Variants in FAM135B observed in about 807,000 individuals in gnomAD.
FAM135B encodes family with sequence similarity 135 member B.
In FAM135B, 43 loss-of-function variants were observed where a neutral mutation model predicts 127.7. That is an observed-to-expected ratio of 0.34 (90% CI 0.26 to 0.43). The LOEUF is 0.43. Among genes scored for constraint, FAM135B ranks in the 20% least tolerant of loss-of-function variants. The pLI, the probability that FAM135B is intolerant of heterozygous loss-of-function variation, is 1.00. For synonymous variants in FAM135B, 670 were observed against 665.1 expected, an observed-to-expected ratio of 1.01 and a Z score of -0.11; for missense variants, 1,558 against 1,725.6, an observed-to-expected ratio of 0.90 and a Z score of 1.72.
intron 1 of FAM135B, among the ~76,000 whole-genome samples, chr8:138,455,522 C>G (rs1197519877): frequency 6.6e-6 from 1 of 152,118 alleles, no homozygotes; most frequent in East Asian, 1.9e-4. Context: ...CATGTATTAC[C>G]TAATCTGATC....
intron 12 of FAM135B, among the ~76,000 whole-genome samples, chr8:138,166,126 A>G (rs1272855818): frequency 5.3e-5 from 8 of 152,202 alleles, no homozygotes; most frequent in South Asian, 2.1e-4. Flanking sequence ...TCTTTAATAC[A>G]TGCTTATACT....
intron 1 of FAM135B, among the ~76,000 whole-genome samples, chr8:138,382,131 C>G (rs1183483010): frequency 1.3e-5 from 2 of 152,118 alleles, no homozygotes; most frequent in African/African-American, 4.8e-5. Flanking sequence ...CCCACATTGA[C>G]CACCCACAAG....
intron 11 of FAM135B, among the ~76,000 whole-genome samples, chr8:138,169,732 C>G (rs539817056): frequency 6.6e-6 from 1 of 152,046 alleles, no homozygotes; most frequent in Non-Finnish European, 1.5e-5. Context: ...TGTGCACAGG[C>G]TGGGAAGTAC....
At position 138,132,661 on chromosome 8, in the gene FAM135B, C is replaced by T. The variant is rs572655031; in HGVS notation, c.4153G>A (p.Ala1385Thr). Residue 1385 changes from alanine to threonine, a missense_variant, in exon 20 of 20, where the codon GCT becomes ACT. Ala to Thr is a moderately conservative substitution (Grantham distance 58). This residue lies in a region of FAM135B where 194 missense variants were observed against 333.8 expected (regional missense o/e 0.58). Transcript: ENST00000395297. This position sits in a 1 kb window ranked among gnomAD's most constrained non-coding sequence, Gnocchi z 4.5. ...NTLIGRAAHI[A>T]VLDSELFLEK... ...AGGAAGAGTTCTGAATCCAGCACAG[C>T]GATGTGAGCGGCTCGGCCGATCAGG... 3.9e-5 allele frequency: 63 copies of T among 1,614,122 alleles called. No individual in the cohort carries two copies. The highest frequency in any genetic ancestry group is 6.7e-5 in the African/African-American group (5 of 75,020).
rs565387882 is a variant in FAM135B at position 138,354,505 on chromosome 8, C to G, written c.77+13402G>C. On this transcript the variant is annotated intron_variant, in intron 2 of 19. Transcript: ENST00000395297. ...CCCATCCTGATACCTCCTGGGTGGG[C>G]GTTTTGGGAGTTCTCTGTCCTCCAT... Among the ~76,000 whole-genome samples the G allele has an allele frequency of 1.2e-4, 18 of 152,206 alleles. No individual in the cohort carries two copies. In the South Asian group the frequency reaches 3.7e-3, roughly 32 times the overall value.
chr8:138,226,512 A>C (rs1482834518), intron 7 of FAM135B, among the ~76,000 whole-genome samples: 1 of 152,122 alleles, frequency 6.6e-6, no homozygotes, highest in Non-Finnish European at 1.5e-5. Flanking sequence ...GCATGTGCAA[A>C]GGCCCTGTGG....
intron 2 of FAM135B, among the ~76,000 whole-genome samples, chr8:138,361,217 C>T (rs1830400823): frequency 1.3e-5 from 2 of 152,092 alleles, no homozygotes; most frequent in East Asian, 3.9e-4. Flanking sequence ...TGAGCCACCT[C>T]GCCCAGCCAA....
chr8:138,321,003 C>G (rs975371111), intron 2 of FAM135B, among the ~76,000 whole-genome samples: 2 of 152,162 alleles, frequency 1.3e-5, no homozygotes, highest in African/African-American at 4.8e-5. Flanking sequence ...GGACATCTGA[C>G]ATGACCTAAA....
chr8:138,287,154 A>G (rs1271978321), intron 3 of FAM135B, among the ~76,000 whole-genome samples: 3 of 152,208 alleles, frequency 2.0e-5, no homozygotes, highest in Admixed American at 6.5e-5. Context: ...TGATATACCC[A>G]AAAATTGTCA....
chr8:138,432,568 G>A (rs1835253753), intron 1 of FAM135B, among the ~76,000 whole-genome samples: 1 of 151,768 alleles, frequency 6.6e-6, no homozygotes, highest in Non-Finnish European at 1.5e-5. Flanking sequence ...GAGTTATACA[G>A]GTTATTTTGC....
chr8:138,257,654 C>T (rs981814074), intron 4 of FAM135B, among the ~76,000 whole-genome samples: 2 of 152,056 alleles, frequency 1.3e-5, no homozygotes, highest in African/African-American at 2.4e-5. Flanking sequence ...CCCTTTTCAT[C>T]CGTAACCACA....
At chr8:138,291,465 A>G (rs1480949993) in intron 3 of FAM135B, among the ~76,000 whole-genome samples, 3 of 152,174 alleles carry the variant, frequency 2.0e-5, no homozygotes, top group Non-Finnish European at 4.4e-5. Context: ...TTACCTTGAT[A>G]CCAAAACAAG....
intron 7 of FAM135B, among the ~76,000 whole-genome samples, chr8:138,203,484 G>A (rs143518810): frequency 9.4e-4 from 143 of 152,228 alleles, no homozygotes; most frequent in African/African-American, 2.7e-3. Flanking sequence ...TATTGCTTAC[G>A]TGAATTATTA....
chr8:138,486,852 T>C (rs1435850975), intron 1 of FAM135B, among the ~76,000 whole-genome samples: 2 of 152,196 alleles, frequency 1.3e-5, no homozygotes, highest in Non-Finnish European at 2.9e-5. Context: ...CACGAAGACC[T>C]AGTAACTGCC....
At chr8:138,159,297 A>C (rs1819116428) in intron 12 of FAM135B, among the ~76,000 whole-genome samples, 1 of 139,970 alleles carries the variant, frequency 7.1e-6, no homozygotes, top group East Asian at 2.1e-4. Context: ...AAAAAGACAC[A>C]TGCACACATA....
intron 14 of FAM135B, 148 bp from the exon 15 acceptor site, chr8:138,146,198 C>T (rs1212479949): frequency 1.7e-6 from 1 of 578,720 alleles, no homozygotes; most frequent in Non-Finnish European, 3.1e-6. Context: ...ACAACTAAAA[C>T]AGCTAGAAAC....
chr8:138,273,148 T>G (rs1351468738), intron 3 of FAM135B, among the ~76,000 whole-genome samples: 1 of 152,190 alleles, frequency 6.6e-6, no homozygotes, highest in Non-Finnish European at 1.5e-5. Context: ...CAGCATAGAA[T>G]TTTACCAGAT....
Position 138,276,813 on chromosome 8 carries a change from C to T in FAM135B, c.158-10971G>A, listed in dbSNP as rs183831504. ...TGGGGAGCACAGAGAGTACCTAGTC[C>T]GAATGCCTGCCAGGCAGGGCGGTGA... is the stretch of plus-strand genomic sequence containing the variant. On this transcript the variant is annotated intron_variant, in intron 3 of 19. Coordinates refer to ENST00000395297, the MANE Select transcript of FAM135B (RefSeq NM_015912.4). Among the ~76,000 whole-genome samples, 66 of 152,130 alleles carry T rather than the reference C, an allele frequency of 4.3e-4. No individual in the cohort carries two copies. The East Asian group carries it at 9.1e-3, about 21-fold the overall frequency.
intron 6 of FAM135B, among the ~76,000 whole-genome samples, chr8:138,245,901 T>C (rs1821242811): frequency 6.6e-6 from 1 of 151,942 alleles, no homozygotes; most frequent in African/African-American, 2.4e-5. Flanking sequence ...TGAATGGTTT[T>C]AACCAAATTG....
Sources: allele counts gnomAD v4.1 joint callset (sites outside exome capture counted in the v4.1 genomes callset), GRCh38; gene constraint gnomAD v4.1.1; regional missense constraint gnomAD v4.1.1; non-coding constraint Gnocchi (gnomAD v3.1); transcripts MANE v1.5; gene names NCBI Gene and HGNC (gene_info 2026-07-23, HGNC 2026-07-21).